The following ARHGAP26 variants were observed in gnomAD, a reference collection of about 807,000 sequenced individuals.
ARHGAP26 encodes Rho GTPase activating protein 26.
Under a neutral mutation model 104.8 loss-of-function variants are expected in ARHGAP26, and 38 were observed. The ratio of observed to expected loss-of-function variants is 0.36; its 90% CI spans 0.28 to 0.48. The LOEUF is 0.48. Among genes scored for constraint, ARHGAP26 ranks in the 20% least tolerant of loss-of-function variants. ARHGAP26 has a pLI of 0.99. For missense variants in ARHGAP26, 704 were observed against 947.9 expected (o/e 0.74, Z 3.38); for synonymous variants, 341 against 340.0 (o/e 1.00, Z -0.03).
chr5:143,191,313 A>G (rs919328461), intron 20 of ARHGAP26, among the ~76,000 whole-genome samples: 23 of 152,266 alleles, frequency 1.5e-4, no homozygotes, highest in Non-Finnish European at 2.8e-4. Context: ...AGAGAGAAAC[A>G]TTAAATGACT....
Position 143,037,266 on chromosome 5 carries a change from A to C in ARHGAP26, c.1210+5A>C. 1 of 1,594,478 alleles carries C rather than the reference A, an allele frequency of 6.3e-7. No individual in the cohort carries two copies. Among genetic ancestry groups the C allele is most frequent in the Non-Finnish European group, 8.6e-7 (1 of 1,165,350 alleles). On this transcript the variant is annotated splice_donor_5th_base_variant and intron_variant, in intron 13 of 22. Coordinates refer to ENST00000645722, the MANE Select transcript of ARHGAP26 (RefSeq NM_001135608.3). ...TCCATGCTGTGGAAACCAGAGGTAA[A>C]GTAGTTTAACAGATGGCATTGTTCT... is the stretch of plus-strand genomic sequence containing the variant.
At chr5:143,151,590 A>T (rs75668842) in intron 20 of ARHGAP26, among the ~76,000 whole-genome samples, 8 of 152,226 alleles carry the variant, frequency 5.3e-5, no homozygotes, top group African/African-American at 1.7e-4. Flanking sequence ...ATATTATTCA[A>T]TGATTTTAAA....
intron 8 of ARHGAP26, among the ~76,000 whole-genome samples, chr5:142,904,433 A>G (rs1391759638): frequency 1.3e-5 from 2 of 151,948 alleles, no homozygotes; most frequent in African/African-American, 4.8e-5. Flanking sequence ...GTTGAGGTTT[A>G]TAAGAGCTCA....
intron 1 of ARHGAP26, 53 bp downstream of exon 1, chr5:142,770,968 A>T: frequency 3.2e-6 from 5 of 1,542,754 alleles, no homozygotes; most frequent in Non-Finnish European, 4.4e-6. Flanking sequence ...AGGAACTGGG[A>T]GGTGGCGCTT....
At chr5:143,084,097 C>G (rs973792038) in intron 17 of ARHGAP26, among the ~76,000 whole-genome samples, 1 of 152,170 alleles carries the variant, frequency 6.6e-6, no homozygotes, top group African/African-American at 2.4e-5. Context: ...GTGGTCAAAA[C>G]TATAATTGAG....
chr5:143,055,606 AC>A (rs1785695400), intron 15 of ARHGAP26, among the ~76,000 whole-genome samples: 1 of 152,218 alleles, frequency 6.6e-6, no homozygotes, highest in Non-Finnish European at 1.5e-5. Context: ...CACAACACCT[AC>A]AAAAATCTTT....
At chr5:143,025,727 A>G (rs193277892) in intron 12 of ARHGAP26, among the ~76,000 whole-genome samples, 31 of 152,366 alleles carry the variant, frequency 2.0e-4, no homozygotes, top group Admixed American at 1.8e-3. Flanking sequence ...CACTCCTTCC[A>G]TCCCAGGCAG....
intron 16 of ARHGAP26, among the ~76,000 whole-genome samples, chr5:143,057,344 T>C (rs1785975804): frequency 6.6e-6 from 1 of 152,156 alleles, no homozygotes; most frequent in Non-Finnish European, 1.5e-5. Flanking sequence ...TACTCCTGAG[T>C]TTGTTCTCAG....
intron 1 of ARHGAP26, among the ~76,000 whole-genome samples, chr5:142,784,024 G>C (rs943059600): frequency 4.6e-5 from 7 of 152,180 alleles, no homozygotes; most frequent in African/African-American, 1.4e-4. Context: ...CGTAGGCTTC[G>C]GCATCCAGAT....
chr5:143,139,005 C>A (rs182459457), intron 19 of ARHGAP26, among the ~76,000 whole-genome samples: 37 of 152,244 alleles, frequency 2.4e-4, no homozygotes, highest in African/African-American at 8.4e-4. Context: ...TTAGGGTTAG[C>A]TGTTGTGACC....
In ARHGAP26 at chr5:142,896,197, A is replaced by G. The variant is rs780079894; in HGVS notation, c.597+1849A>G. 2.6e-4 allele frequency among the ~76,000 whole-genome samples: 40 copies of G among 152,382 alleles called. 1 individual carries two copies. Among genetic ancestry groups the G allele is most frequent in the Admixed American group, 3.9e-4 (6 of 15,308 alleles). On this transcript the variant is annotated intron_variant, in intron 6 of 22. Transcript: ENST00000645722. ...GGCAGGAATGCAAATGCTGTCACAT[A>G]GAATTTGCCTTTAGCATTATTTTTA...
At chr5:142,800,806 A>G (rs894064750) in intron 1 of ARHGAP26, among the ~76,000 whole-genome samples, 2 of 152,208 alleles carry the variant, frequency 1.3e-5, no homozygotes, top group Admixed American at 6.5e-5. Context: ...TTTGATCCCC[A>G]TAGCTAGAAG....
chr5:143,061,494 A>G (rs11740320), intron 17 of ARHGAP26, among the ~76,000 whole-genome samples: 76,750 of 152,090 alleles, frequency 0.5, 24,046 homozygotes, highest in Non-Finnish European at 0.7. Flanking sequence ...GGTTTTCCCA[A>G]AATACTTATT....
At chr5:142,848,616 C>T (rs748378754) in intron 1 of ARHGAP26, among the ~76,000 whole-genome samples, 6 of 151,974 alleles carry the variant, frequency 3.9e-5, no homozygotes, top group Non-Finnish European at 8.8e-5. Context: ...TGGAAGCTGC[C>T]GAGGTGAGCA....
chr5:143,033,712 G>A (rs245831), intron 12 of ARHGAP26, among the ~76,000 whole-genome samples: 69,729 of 151,992 alleles, frequency 0.46, 18,897 homozygotes, highest in African/African-American at 0.75. Flanking sequence ...GCCTACTCTT[G>A]AAACATCCTA....
intron 20 of ARHGAP26, among the ~76,000 whole-genome samples, chr5:143,153,605 G>A (rs1465101820): frequency 6.6e-6 from 1 of 152,148 alleles, no homozygotes; most frequent in African/African-American, 2.4e-5. Context: ...CTAGGTAAAT[G>A]CCTTCTTTAG....
intron 21 of ARHGAP26, among the ~76,000 whole-genome samples, chr5:143,210,459 G>A (rs1398733923): frequency 6.6e-6 from 1 of 152,098 alleles, no homozygotes; most frequent in East Asian, 1.9e-4. Context: ...CCATATCACT[G>A]TCCCCTCTTC....
rs116313512 is a variant in ARHGAP26, at chr5:142,778,167, C to T, written c.154+7252C>T. On this transcript the variant is annotated intron_variant, in intron 1 of 22. Coordinates refer to ENST00000645722, the MANE Select transcript of ARHGAP26 (RefSeq NM_001135608.3). ...GAAAAGAAAGAAGTCTAGAATGATTCAGATATTTTTGGCCTGAGCAGTTAT... is the reference window on the plus strand; with the variant it reads ...GAAAAGAAAGAAGTCTAGAATGATTTAGATATTTTTGGCCTGAGCAGTTAT... Among the ~76,000 whole-genome samples the T allele has an allele frequency of 6.5e-3, 997 of 152,282 alleles. 13 individuals are homozygous for T. Among genetic ancestry groups the T allele is most frequent in the African/African-American group, 0.023 (945 of 41,540 alleles).
intron 1 of ARHGAP26, among the ~76,000 whole-genome samples, chr5:142,776,886 T>C (rs528686319): frequency 2.0e-5 from 3 of 152,336 alleles, no homozygotes; most frequent in Non-Finnish European, 4.4e-5. Context: ...CCACCAACAA[T>C]GTATGAGGAT....
Sources: gnomAD v4.1 joint callset for allele counts (sites outside exome capture counted in the v4.1 genomes callset) on GRCh38, gnomAD v4.1.1 for gene constraint, MANE v1.5 for transcripts, NCBI Gene and HGNC (gene_info 2026-07-23, HGNC 2026-07-21) for gene names.